LRMDA: variants seen among roughly 807,000 people sequenced by gnomAD.
LRMDA encodes leucine-rich melanocyte differentiation-associated protein.
A neutral mutation model predicts 29.8 loss-of-function variants in LRMDA; 18 were observed. That is an observed-to-expected ratio of 0.60 (90% CI 0.42 to 0.90). The LOEUF is 0.90. Ranked by LOEUF, LRMDA falls within the 40% of genes least tolerant of loss-of-function variation. The pLI is 0.00. For missense variants in LRMDA, 273 were observed against 273.9 expected (o/e 1.00, Z 0.02); for synonymous variants, 125 against 109.4 (o/e 1.14, Z -0.89).
At chr10:75,780,911 C>G (rs2132242578) in intron 2 of LRMDA, among the ~76,000 whole-genome samples, 3 of 152,352 alleles carry the variant, frequency 2.0e-5, no homozygotes, top group Admixed American at 2.0e-4. Flanking sequence ...ATAGCAATTT[C>G]AAGCTCAAAC....
In LRMDA at chr10:76,493,009, C is replaced by A. The variant is rs545489484; in HGVS notation, c.602-64200C>A. Among the ~76,000 whole-genome samples, 39 of 152,172 alleles carry A rather than the reference C, an allele frequency of 2.6e-4. No individual in the cohort carries two copies. In the South Asian group the frequency reaches 8.1e-3, roughly 32 times the overall value. ...AGCACTGAGTCTCACCCAAGGTCCA[C>A]TGTAACCACTACCTGGTTACCACAT... On this transcript the variant is annotated intron_variant, in intron 6 of 6. Transcript: ENST00000611255.
intron 6 of LRMDA, among the ~76,000 whole-genome samples, chr10:76,424,776 C>G (rs944376883): frequency 1.9e-4 from 29 of 152,206 alleles, no homozygotes; most frequent in Non-Finnish European, 7.3e-5. Flanking sequence ...AGATTTTCAA[C>G]CCAGTTTGTT....
intron 1 of LRMDA, among the ~76,000 whole-genome samples, chr10:75,435,553 G>A (rs1844254642): frequency 6.6e-6 from 1 of 152,184 alleles, no homozygotes; most frequent in African/African-American, 2.4e-5. Flanking sequence ...TATCGAGTTG[G>A]TTCTCATGCT....
intron 2 of LRMDA, among the ~76,000 whole-genome samples, chr10:75,899,696 T>A (rs2132363163): frequency 6.6e-6 from 1 of 152,332 alleles, no homozygotes; most frequent in East Asian, 1.9e-4. Flanking sequence ...GGTGGGGGAC[T>A]GATGAAGCAT....
chr10:75,947,496 C>T (rs1846497218), intron 2 of LRMDA, among the ~76,000 whole-genome samples: 1 of 152,108 alleles, frequency 6.6e-6, no homozygotes, highest in Non-Finnish European at 1.5e-5. Flanking sequence ...GCGAGGAGGC[C>T]CATGTCCATT....
chr10:76,114,583 C>T (rs940558153), intron 5 of LRMDA, among the ~76,000 whole-genome samples: 8 of 152,080 alleles, frequency 5.3e-5, no homozygotes, highest in East Asian at 3.9e-4. Context: ...GCAAAGGATA[C>T]GATCCCAGGT....
intron 2 of LRMDA, among the ~76,000 whole-genome samples, chr10:75,705,531 T>G (rs1412354633): frequency 6.6e-6 from 1 of 152,200 alleles, no homozygotes; most frequent in African/African-American, 2.4e-5. Flanking sequence ...ACCCTCAGAC[T>G]GGAGAAAGGA....
intron 2 of LRMDA, among the ~76,000 whole-genome samples, chr10:75,836,571 T>G (rs1039109661): frequency 4.6e-5 from 7 of 152,336 alleles, no homozygotes; most frequent in African/African-American, 1.7e-4. Flanking sequence ...TTTGCAAGGC[T>G]AGGTTAAATC....
chr10:76,366,190 G>A (rs1197285699), intron 6 of LRMDA, among the ~76,000 whole-genome samples: 3 of 152,074 alleles, frequency 2.0e-5, no homozygotes, highest in African/African-American at 7.2e-5. Flanking sequence ...CCCCAGATTT[G>A]TTCTTTTGAC....
At chr10:76,279,539 C>CTTTTTTT (rs759651873) in intron 5 of LRMDA, among the ~76,000 whole-genome samples, 14 of 93,810 alleles carry the variant, frequency 1.5e-4, no homozygotes, top group African/African-American at 5.3e-4. Context: ...ACAAATGCTT[C>CTTTTTTT]TTTTTTTTTT....
intron 2 of LRMDA, among the ~76,000 whole-genome samples, chr10:75,576,927 G>GGA (rs1228703250): frequency 1.3e-5 from 2 of 152,174 alleles, no homozygotes; most frequent in African/African-American, 2.4e-5. Flanking sequence ...ATGAAGATGG[G>GGA]GAGAAACCAG....
At chr10:76,430,042 C>A (rs1439667955) in intron 6 of LRMDA, among the ~76,000 whole-genome samples, 1 of 152,184 alleles carries the variant, frequency 6.6e-6, no homozygotes, top group Non-Finnish European at 1.5e-5. Flanking sequence ...GTTTCTCTAG[C>A]TGTAAATTTA....
At chr10:76,399,080 A>G (rs1435430170) in intron 6 of LRMDA, among the ~76,000 whole-genome samples, 1 of 152,212 alleles carries the variant, frequency 6.6e-6, no homozygotes, top group Non-Finnish European at 1.5e-5. Flanking sequence ...TTCTGGTCAT[A>G]GATGTTGTCT....
intron 5 of LRMDA, among the ~76,000 whole-genome samples, chr10:76,191,956 G>T (rs974236601): frequency 6.6e-6 from 1 of 152,154 alleles, no homozygotes; most frequent in Non-Finnish European, 1.5e-5. Context: ...TACAGAAAAA[G>T]ACTTGTGGGC....
chr10:76,218,519 C>T (rs1054989784), intron 5 of LRMDA, among the ~76,000 whole-genome samples: 1 of 152,234 alleles, frequency 6.6e-6, no homozygotes, highest in Non-Finnish European at 1.5e-5. Context: ...GGTTGAAACT[C>T]TCCCCCAGGC....
At chr10:75,825,617 T>G (rs186394489) in intron 2 of LRMDA, among the ~76,000 whole-genome samples, 138 of 152,332 alleles carry the variant, frequency 9.1e-4, no homozygotes, top group Non-Finnish European at 1.7e-3. Flanking sequence ...ACCAGTTTAA[T>G]ATGAATGGTT....
chr10:76,129,585 A>G (rs1849948827), intron 5 of LRMDA, among the ~76,000 whole-genome samples: 1 of 152,112 alleles, frequency 6.6e-6, no homozygotes, highest in South Asian at 2.1e-4. Flanking sequence ...GGTTCTAAGA[A>G]ATACCCAGAA....
At chr10:76,110,617 T>A (rs1406995303) in intron 5 of LRMDA, among the ~76,000 whole-genome samples, 3 of 152,144 alleles carry the variant, frequency 2.0e-5, no homozygotes, top group Non-Finnish European at 4.4e-5. Context: ...GGCCCCGTCT[T>A]TCCCATGCTC....
intron 2 of LRMDA, among the ~76,000 whole-genome samples, chr10:75,586,297 C>G (rs1158967419): frequency 6.7e-6 from 1 of 148,222 alleles, no homozygotes; most frequent in Admixed American, 6.8e-5. Flanking sequence ...TGCATGCCCA[C>G]TAACACTGTG....
Sources: allele counts gnomAD v4.1 joint callset (sites outside exome capture counted in the v4.1 genomes callset), GRCh38; gene constraint gnomAD v4.1.1; transcripts MANE v1.5; gene names NCBI Gene and HGNC (gene_info 2026-07-23, HGNC 2026-07-21).